The following ATP9A variants were observed in gnomAD, a reference collection of about 807,000 sequenced individuals.
ATP9A encodes the protein probable phospholipid-transporting ATPase IIA.
In ATP9A, 52 loss-of-function variants were observed where a neutral mutation model predicts 144.1. The observed-to-expected ratio is 0.36, with a 90% CI of 0.29 to 0.45. ATP9A has a LOEUF of 0.45. Ranked by LOEUF, ATP9A falls within the 20% of genes least tolerant of loss-of-function variation. The pLI is 1.00. For missense variants in ATP9A, 947 were observed against 1,392.7 expected (o/e 0.68, Z 5.09); for synonymous variants, 582 against 557.4 (o/e 1.04, Z -0.62).
At chr20:51,619,576 A>AGGGGG (rs61359027) in intron 19 of ATP9A, among the ~76,000 whole-genome samples, 1 of 86,624 alleles carries the variant, frequency 1.2e-5, no homozygotes, top group South Asian at 3.9e-4. Context: ...AAAAAAAAAA[A>AGGGGG]GGGGGGGGGG....
At chr20:51,653,655 C>T (rs1012760787) in intron 14 of ATP9A, among the ~76,000 whole-genome samples, 4 of 151,986 alleles carry the variant, frequency 2.6e-5, no homozygotes, top group East Asian at 1.9e-4. Flanking sequence ...GGCATGGTGG[C>T]GCACTTCTGT....
chr20:51,644,786 C>T (rs1295469246), intron 14 of ATP9A, among the ~76,000 whole-genome samples: 1 of 132,724 alleles, frequency 7.5e-6, no homozygotes, highest in East Asian at 3.0e-4. Flanking sequence ...CTTTCAAACA[C>T]TTATGGAAAT....
rs143246566 is a variant in ATP9A at position 51,691,225 on chromosome 20, G to A, written c.643-406C>T. ...CTCATGCCTGTAATCCCAGCACTTTGGGAGGCTGAAGTGGGCGGATCACTT... is the reference window on the plus strand; with the variant it reads ...CTCATGCCTGTAATCCCAGCACTTTAGGAGGCTGAAGTGGGCGGATCACTT... On this transcript the variant is annotated intron_variant, in intron 7 of 27. Transcript: ENST00000338821. Among the ~76,000 whole-genome samples the A allele has an allele frequency of 2.0e-5, 3 of 152,292 alleles. No homozygotes were observed. The East Asian group carries it at 5.8e-4, about 29-fold the overall frequency.
chr20:51,725,689 G>A (rs2077709243), intron 3 of ATP9A, 130 bp downstream of exon 3: 5 of 645,268 alleles, frequency 7.7e-6, no homozygotes, highest in South Asian at 6.0e-5. Context: ...GACTCCCAAT[G>A]TATTGGCCTA....
chr20:51,694,471 C>G (rs977466182), intron 6 of ATP9A, among the ~76,000 whole-genome samples: 1 of 152,198 alleles, frequency 6.6e-6, no homozygotes, highest in Non-Finnish European at 1.5e-5. Context: ...GGCCAGGCAT[C>G]GCCAGCACCT....
intron 9 of ATP9A, among the ~76,000 whole-genome samples, chr20:51,680,959 C>G (rs375867885): frequency 1.3e-5 from 2 of 152,274 alleles, no homozygotes; most frequent in South Asian, 2.1e-4. Context: ...ACCCCTCCCC[C>G]CAAAATAACC....
chr20:51,642,453 C>T (rs1434788042), intron 14 of ATP9A, among the ~76,000 whole-genome samples: 2 of 152,056 alleles, frequency 1.3e-5, no homozygotes, highest in South Asian at 2.1e-4. Flanking sequence ...GCCACCGCAC[C>T]GGCCAGCATC....
chr20:51,649,743 T>C (rs1304111908), intron 14 of ATP9A, among the ~76,000 whole-genome samples: 1 of 151,880 alleles, frequency 6.6e-6, no homozygotes, highest in African/African-American at 2.4e-5. Context: ...GGTGAAACCC[T>C]GTCTCTACTA....
chr20:51,727,241 C>T (rs1329346084), intron 2 of ATP9A, among the ~76,000 whole-genome samples: 4 of 151,318 alleles, frequency 2.6e-5, no homozygotes, highest in Non-Finnish European at 4.4e-5. Flanking sequence ...CGCCACTACA[C>T]TCCAGCCTGG....
chr20:51,645,343 A>G (rs2077337773), intron 14 of ATP9A, among the ~76,000 whole-genome samples: 1 of 152,136 alleles, frequency 6.6e-6, no homozygotes, highest in Non-Finnish European at 1.5e-5. Context: ...AACATGGTGA[A>G]ACCCTGTCTC....
At position 51,627,701 on chromosome 20, in the gene ATP9A, G is replaced by T. The variant is rs752959066; in HGVS notation, c.1762-18C>A. ...TTGCCACACTGAAAAATAGACCACGGTCGAGTGGGAGCGGTGCTGAGAGCT... is the reference window on the plus strand; with the variant it reads ...TTGCCACACTGAAAAATAGACCACGTTCGAGTGGGAGCGGTGCTGAGAGCT... On this transcript the variant is annotated intron_variant, in intron 16 of 27. Coordinates refer to ENST00000338821, the MANE Select transcript of ATP9A (RefSeq NM_006045.3). 24 of 1,611,120 alleles carry T rather than the reference G, an allele frequency of 1.5e-5. No homozygotes were observed. The highest frequency in any genetic ancestry group is 2.0e-5 in the Non-Finnish European group (23 of 1,177,522).
chr20:51,625,004 C>CAAAAAAA (rs71192538), intron 18 of ATP9A, among the ~76,000 whole-genome samples, 188 bp downstream of exon 18: 1 of 100,840 alleles, frequency 9.9e-6, no homozygotes, highest in African/African-American at 3.9e-5. Flanking sequence ...GACCCCGTCT[C>CAAAAAAA]AAAAAAAAAA....
intron 9 of ATP9A, 94 bp from the exon 10 acceptor site, chr20:51,676,302 T>G: frequency 1.0e-6 from 1 of 979,660 alleles, no homozygotes; most frequent in Non-Finnish European, 1.5e-6. Context: ...CTTGAGAGAC[T>G]GGGTTCTTTT....
At chr20:51,673,568 C>T (rs978751116) in intron 11 of ATP9A, among the ~76,000 whole-genome samples, 1 of 152,092 alleles carries the variant, frequency 6.6e-6, no homozygotes, top group Admixed American at 6.6e-5. Flanking sequence ...CACTATCAAC[C>T]TTGCAGAGCT....
intron 13 of ATP9A, among the ~76,000 whole-genome samples, chr20:51,657,746 C>A (rs534185837): frequency 3.3e-5 from 5 of 152,198 alleles, no homozygotes; most frequent in Non-Finnish European, 5.9e-5. Context: ...CAAGTAACAA[C>A]CATCAGCAAC....
chr20:51,615,074 G>GGGGT (rs2077197982), intron 22 of ATP9A, among the ~76,000 whole-genome samples: 1 of 148,880 alleles, frequency 6.7e-6, no homozygotes, highest in African/African-American at 2.5e-5. Context: ...GATGTTACAT[G>GGGGT]GGGTGGGGGT....
rs5841858 is a variant in ATP9A, at chr20:51,695,466, GAAAAAAA to G, written c.547+620_547+626del. On this transcript the variant is annotated intron_variant, in intron 6 of 27. Coordinates refer to ENST00000338821, the MANE Select transcript of ATP9A (RefSeq NM_006045.3). ...CGACAGAGCAAGACCCGGTCTCAAGGAAAAAAAAAAAAAAAAAACTAAGGCAATTTTA... is the reference window on the plus strand; with the variant it reads ...CGACAGAGCAAGACCCGGTCTCAAGGAAAAAAAAAAACTAAGGCAATTTTA... Among the ~76,000 whole-genome samples, 6 of 124,998 alleles carry G rather than the reference GAAAAAAA, an allele frequency of 4.8e-5. No homozygotes were observed. In the Admixed American group the frequency reaches 5.3e-4, roughly 11 times the overall value. 82.0% of individuals were successfully genotyped at this position (124,998 alleles called of 152,430 possible).
intron 7 of ATP9A, among the ~76,000 whole-genome samples, chr20:51,692,492 G>A (rs1182190407): frequency 6.6e-6 from 1 of 152,142 alleles, no homozygotes; most frequent in Non-Finnish European, 1.5e-5. Context: ...AGTGGGGCTG[G>A]AGGGGGAGCG....
At chr20:51,633,473 C>T (rs1220642774) in intron 15 of ATP9A, among the ~76,000 whole-genome samples, 2 of 152,078 alleles carry the variant, frequency 1.3e-5, no homozygotes, top group East Asian at 1.9e-4. Flanking sequence ...TGGTCAGGCA[C>T]GGTGGCTCAC....
Sources: allele counts gnomAD v4.1 joint callset (sites outside exome capture counted in the v4.1 genomes callset), GRCh38; gene constraint gnomAD v4.1.1; transcripts MANE v1.5; gene names NCBI Gene and HGNC (gene_info 2026-07-23, HGNC 2026-07-21).